The following GRID2 variants were observed in gnomAD, a reference collection of about 807,000 sequenced individuals.
GRID2 encodes the protein glutamate receptor ionotropic, delta-2.
GRID2 carries 33 observed loss-of-function variants against 114.8 expected under a neutral mutation model. The observed-to-expected ratio is 0.29, with a 90% CI of 0.22 to 0.38. The LOEUF is 0.38. Among genes scored for constraint, GRID2 ranks in the 10% least tolerant of loss-of-function variants. The pLI is 1.00. For synonymous variants in GRID2, 505 were observed against 449.9 expected (o/e 1.12, Z -1.55); for missense variants, 1,184 against 1,257.7 (o/e 0.94, Z 0.89).
chr4:93,434,481 A>G (rs1424286331), intron 10 of GRID2, among the ~76,000 whole-genome samples: 1 of 152,114 alleles, frequency 6.6e-6, no homozygotes, highest in African/African-American at 2.4e-5. Context: ...AAAAAAGACC[A>G]AAGCCAACAA....
chr4:92,723,522 A>C (rs1204293061), intron 2 of GRID2, among the ~76,000 whole-genome samples: 1 of 152,152 alleles, frequency 6.6e-6, no homozygotes, highest in Middle Eastern at 3.2e-3. Context: ...AACTTGACAG[A>C]AATATGTCTT....
intron 14 of GRID2, among the ~76,000 whole-genome samples, chr4:93,677,815 A>C (rs1021337337): frequency 1.3e-5 from 2 of 152,112 alleles, no homozygotes; most frequent in African/African-American, 2.4e-5. Context: ...AGTAGATAAA[A>C]CCACAAAGAT....
At chr4:92,317,613 C>G (rs541482093) in intron 1 of GRID2, among the ~76,000 whole-genome samples, 60 of 152,128 alleles carry the variant, frequency 3.9e-4, no homozygotes, top group Non-Finnish European at 5.1e-4. Context: ...AAAAAAGGAG[C>G]AAAGGGTTTT....
intron 1 of GRID2, among the ~76,000 whole-genome samples, chr4:92,338,468 G>A (rs55814016): frequency 0.015 from 2,305 of 152,186 alleles, 54 homozygotes; most frequent in African/African-American, 0.052. Flanking sequence ...AATTATGATA[G>A]TTTAAGTAAG....
chr4:92,327,134 T>C (rs938206867), intron 1 of GRID2, among the ~76,000 whole-genome samples: 1 of 152,026 alleles, frequency 6.6e-6, no homozygotes, highest in Non-Finnish European at 1.5e-5. Context: ...TGTTTCTTTT[T>C]TGGTGCTTTA....
chr4:93,675,886 A>C (rs1470715490), intron 14 of GRID2, among the ~76,000 whole-genome samples: 1 of 152,230 alleles, frequency 6.6e-6, no homozygotes, highest in Non-Finnish European at 1.5e-5. Flanking sequence ...CACTCCAAAG[A>C]ATTTCCTAAG....
At chr4:92,438,346 C>T (rs1732837813) in intron 1 of GRID2, among the ~76,000 whole-genome samples, 1 of 151,970 alleles carries the variant, frequency 6.6e-6, no homozygotes, top group African/African-American at 2.4e-5. Context: ...CCAGGAATCT[C>T]GGAGCACATA....
At chr4:93,614,626 A>G (rs571546428) in intron 13 of GRID2, among the ~76,000 whole-genome samples, 8 of 152,314 alleles carry the variant, frequency 5.3e-5, no homozygotes, top group Non-Finnish European at 5.9e-5. Flanking sequence ...AACAGGGTCA[A>G]TAAGTAGTAA....
intron 2 of GRID2, among the ~76,000 whole-genome samples, chr4:92,638,026 A>C (rs1389354893): frequency 6.6e-6 from 1 of 151,984 alleles, no homozygotes; most frequent in Non-Finnish European, 1.5e-5. Context: ...ACATTAAATC[A>C]AAACTCTCCA....
chr4:92,736,948 A>G (rs1736629577), intron 2 of GRID2, among the ~76,000 whole-genome samples: 1 of 152,096 alleles, frequency 6.6e-6, no homozygotes, highest in Admixed American at 6.6e-5. Flanking sequence ...TTGGAGAGGG[A>G]CAGAGAGGAT....
At chr4:93,285,167 A>G (rs1753019609) in intron 8 of GRID2, among the ~76,000 whole-genome samples, 1 of 85,132 alleles carries the variant, frequency 1.2e-5, no homozygotes, top group African/African-American at 5.0e-5. Context: ...GCATTTTGTA[A>G]TAAAAAATAT....
chr4:93,213,267 A>G (rs1374277086), intron 5 of GRID2, among the ~76,000 whole-genome samples: 1 of 152,154 alleles, frequency 6.6e-6, no homozygotes, highest in Non-Finnish European at 1.5e-5. Flanking sequence ...ACATTTGCCT[A>G]ATTGATTCAT....
chr4:93,741,174 C>CATAT (rs376106965), intron 14 of GRID2, among the ~76,000 whole-genome samples: 1,828 of 40,840 alleles, frequency 0.045, 101 homozygotes, highest in Non-Finnish European at 0.054. Context: ...TATATATATA[C>CATAT]ATATATATAT....
intron 1 of GRID2, among the ~76,000 whole-genome samples, chr4:92,375,536 C>G (rs1729315061): frequency 6.6e-6 from 1 of 152,092 alleles, no homozygotes; most frequent in African/African-American, 2.4e-5. Flanking sequence ...CGTGGGATCT[C>G]TTTTCATTTA....
chr4:92,878,451 A>G (rs1008918292), intron 2 of GRID2, among the ~76,000 whole-genome samples: 17 of 152,144 alleles, frequency 1.1e-4, no homozygotes, highest in African/African-American at 4.1e-4. Flanking sequence ...GGTGTCTGTT[A>G]TTTGTTGATA....
At chr4:93,417,485 C>G (rs1767837254) in intron 9 of GRID2, among the ~76,000 whole-genome samples, 1 of 151,836 alleles carries the variant, frequency 6.6e-6, no homozygotes, top group African/African-American at 2.4e-5. Context: ...AAGTAACATC[C>G]AGAAAACACT....
At position 93,773,862 on chromosome 4, in the gene GRID2, A is replaced by T. The variant is rs1734267826; in HGVS notation, c.*1364A>T. ...TATTTTTTACATTAGTGCCAAGTAT[A>T]TAGAAGGATGACAGCAAAAACAGTG... On this transcript the variant is annotated 3_prime_UTR_variant, in exon 16 of 16. Transcript: ENST00000282020. The T allele has an allele frequency of 6.6e-6, 1 of 152,164 alleles. No individual in the cohort carries two copies. Among genetic ancestry groups the T allele is most frequent in the Non-Finnish European group, 1.5e-5 (1 of 67,998 alleles). The allele number at this position is 152,164 out of a possible 1,614,324, so 9.4% of individuals were successfully genotyped here.
At chr4:93,697,365 G>T (rs1727108736) in intron 14 of GRID2, among the ~76,000 whole-genome samples, 2 of 152,126 alleles carry the variant, frequency 1.3e-5, no homozygotes, top group African/African-American at 4.8e-5. Context: ...ACAAGTGACA[G>T]AGAGTTTGTG....
intron 2 of GRID2, among the ~76,000 whole-genome samples, chr4:93,079,560 A>G (rs1729662954): frequency 6.6e-6 from 1 of 152,034 alleles, no homozygotes; most frequent in African/African-American, 2.4e-5. Flanking sequence ...GTCAGGTTTG[A>G]ACCCCAACTC....
Sources: gnomAD v4.1 joint callset for allele counts (sites outside exome capture counted in the v4.1 genomes callset) on GRCh38, gnomAD v4.1.1 for gene constraint, MANE v1.5 for transcripts, NCBI Gene and HGNC (gene_info 2026-07-23, HGNC 2026-07-21) for gene names.